The following RALB variants were observed in gnomAD, a reference collection of about 807,000 sequenced individuals.
The protein encoded by RALB is ras-related protein Ral-B.
A neutral mutation model predicts 21.3 loss-of-function variants in RALB; 16 were observed. That is an observed-to-expected ratio of 0.75 (90% CI 0.51 to 1.14). The LOEUF (loss-of-function observed/expected upper bound fraction) is 1.14, where lower values mean the gene tolerates loss of function less well. Ranked by LOEUF, RALB falls within the 50% of genes most tolerant of loss-of-function variation. RALB has a pLI of 0.00. For synonymous variants in RALB, 93 were observed against 96.1 expected (o/e 0.97, Z 0.19); for missense variants, 161 against 256.2 (o/e 0.63, Z 2.54).
intron 1 of RALB, among the ~76,000 whole-genome samples, chr2:120,270,622 T>G (rs1445695551): frequency 6.6e-6 from 1 of 152,068 alleles, no homozygotes; most frequent in Non-Finnish European, 1.5e-5. Context: ...AATCGGTTAG[T>G]TTTTGTTGTA....
intron 3 of RALB, among the ~76,000 whole-genome samples, chr2:120,287,331 C>A (rs1690190918): frequency 6.6e-6 from 1 of 152,208 alleles, no homozygotes; most frequent in Admixed American, 6.5e-5. Context: ...ACCTACTTTT[C>A]TGGAAGCAGA....
intron 1 of RALB, among the ~76,000 whole-genome samples, chr2:120,246,821 T>A (rs1416410797): frequency 2.0e-5 from 3 of 149,958 alleles, no homozygotes; most frequent in Non-Finnish European, 3.0e-5. Context: ...CTGAGTGCAG[T>A]CCCCGCTGCG....
At chr2:120,251,614 T>C (rs1689058178), upstream of RALB, among the ~76,000 whole-genome samples, 3 of 152,238 alleles carry the variant, frequency 2.0e-5, no homozygotes, top group Admixed American at 6.5e-5. Context: ...AGAAAAGGTT[T>C]GGGTCTGATT....
intron 1 of RALB, among the ~76,000 whole-genome samples, chr2:120,258,234 C>T (rs960798159): frequency 6.8e-4 from 103 of 152,344 alleles, no homozygotes; most frequent in African/African-American, 2.3e-3. Flanking sequence ...ATGATCCCGC[C>T]CTTCCTTACC....
At chr2:120,272,181 C>T (rs960298843) in intron 1 of RALB, among the ~76,000 whole-genome samples, 1 of 152,142 alleles carries the variant, frequency 6.6e-6, no homozygotes, top group Admixed American at 6.5e-5. Flanking sequence ...CTCAGTGTGT[C>T]CTCACATGGT....
At chr2:120,288,921 C>T (rs559919685) in intron 3 of RALB, among the ~76,000 whole-genome samples, 3 of 152,234 alleles carry the variant, frequency 2.0e-5, no homozygotes, top group East Asian at 3.9e-4. Flanking sequence ...ACATACTTGT[C>T]GTGTACACAT....
At chr2:120,256,434 C>T (rs1689200235) in intron 1 of RALB, among the ~76,000 whole-genome samples, 1 of 152,008 alleles carries the variant, frequency 6.6e-6, no homozygotes, top group South Asian at 2.1e-4. Context: ...TCCCCATAAT[C>T]CCCATACGTT....
At chr2:120,276,624 G>A (rs1266506415) in intron 1 of RALB, among the ~76,000 whole-genome samples, 16 of 151,438 alleles carry the variant, frequency 1.1e-4, no homozygotes, top group African/African-American at 3.9e-4. Flanking sequence ...AAAAAAAAAA[G>A]GAGGAAGTTC....
At chr2:120,279,215 C>T (rs1022249601) in intron 2 of RALB, among the ~76,000 whole-genome samples, 3 of 152,126 alleles carry the variant, frequency 2.0e-5, no homozygotes, top group Non-Finnish European at 2.9e-5. Context: ...CCAGTTCTCC[C>T]GTGCGGCAAG....
At chr2:120,293,118 T>C in intron 4 of RALB, 23 bp from the exon 5 acceptor site, 2 of 1,570,738 alleles carry the variant, frequency 1.3e-6, no homozygotes, top group Non-Finnish European at 1.7e-6. Flanking sequence ...CTATTCTTTT[T>C]ACTCTTTACT....
chr2:120,264,483 C>T (rs981913744), intron 1 of RALB, among the ~76,000 whole-genome samples: 2 of 152,114 alleles, frequency 1.3e-5, no homozygotes. Flanking sequence ...AGACTGAGGA[C>T]AAGAAATGTT....
At chr2:120,247,255 A>C (rs534720586) in intron 1 of RALB, among the ~76,000 whole-genome samples, 1 of 152,364 alleles carries the variant, frequency 6.6e-6, no homozygotes, top group Admixed American at 6.5e-5. Flanking sequence ...CACTTCTGGG[A>C]GATAACTCTT....
intron 4 of RALB, among the ~76,000 whole-genome samples, chr2:120,291,732 T>G (rs1690308327): frequency 6.6e-6 from 1 of 152,198 alleles, no homozygotes; most frequent in Non-Finnish European, 1.5e-5. Flanking sequence ...CTGTAGCATT[T>G]GAAACTGTTC....
chr2:120,253,072 G>A, intron 1 of RALB, 92 bp downstream of exon 1: 2 of 837,994 alleles, frequency 2.4e-6, no homozygotes, highest in Non-Finnish European at 2.9e-6. Flanking sequence ...TGCTCCCTCC[G>A]TGCCGGGCTG....
At chr2:120,245,410 G>C (rs1688955235) in intron 1 of RALB, among the ~76,000 whole-genome samples, 1 of 152,220 alleles carries the variant, frequency 6.6e-6, no homozygotes, top group African/African-American at 2.4e-5. Flanking sequence ...GCTGAGGGGA[G>C]GGGAGGAGTG....
intron 1 of RALB, among the ~76,000 whole-genome samples, chr2:120,277,836 TG>T (rs1689864790): frequency 6.0e-5 from 9 of 151,088 alleles, no homozygotes; most frequent in South Asian, 4.2e-4. Flanking sequence ...TGAATATGTG[TG>T]TTTGAATGTG....
intron 1 of RALB, among the ~76,000 whole-genome samples, chr2:120,255,930 C>CTATGTGATTTTACTGAG (rs11271580): frequency 0.69 from 105,518 of 151,956 alleles, 37,224 homozygotes; most frequent in Middle Eastern, 0.8. Flanking sequence ...TTGTTCCAAG[C>CTATGTGATTTTACTGAG]TATACGGCAT....
chr2:120,286,064 C>T lies in RALB; in HGVS notation c.305C>T (p.Thr102Ile), dbSNP rs1182915759. The T allele has an allele frequency of 1.2e-6, 2 of 1,613,986 alleles. No homozygotes were observed. Among genetic ancestry groups the T allele is most frequent in the Admixed American group, 1.7e-5 (1 of 60,006 alleles). ...VFSITEHESF[T>I]ATAEFREQIL... ...TCAATCACAGAACATGAATCCTTTACAGCAACTGCCGAATTCAGGTATGTC... is the reference window on the plus strand; with the variant it reads ...TCAATCACAGAACATGAATCCTTTATAGCAACTGCCGAATTCAGGTATGTC... The change falls in exon 3 of 5, where the codon ACA (threonine) becomes ATA (isoleucine). Residue 102 changes from threonine (T) to isoleucine (I), a missense_variant. By Grantham distance (89) the Thr-to-Ile change is moderately conservative. Coordinates refer to ENST00000272519, the MANE Select transcript of RALB (RefSeq NM_002881.3).
intron 1 of RALB, among the ~76,000 whole-genome samples, chr2:120,254,529 C>A (rs543308961): frequency 1.3e-5 from 2 of 152,046 alleles, no homozygotes; most frequent in Non-Finnish European, 2.9e-5. Context: ...GGGACCTAGA[C>A]CATAAGGATA....
Sources: allele counts gnomAD v4.1 joint callset (sites outside exome capture counted in the v4.1 genomes callset), GRCh38; gene constraint gnomAD v4.1.1; transcripts MANE v1.5; gene names NCBI Gene and HGNC (gene_info 2026-07-23, HGNC 2026-07-21).